SLC39A3: variants seen among roughly 807,000 people sequenced by gnomAD.
SLC39A3 encodes zinc transporter ZIP3.
SLC39A3 carries 3 observed loss-of-function variants against 5.1 expected under a neutral mutation model. That is an observed-to-expected ratio of 0.59 (90% confidence interval 0.27 to 1.54). SLC39A3 has a LOEUF of 1.54. Ranked by LOEUF, SLC39A3 falls within the 40% of genes most tolerant of loss-of-function variation. The pLI, the probability that SLC39A3 is intolerant of heterozygous loss-of-function variation, is 0.12. For synonymous variants in SLC39A3, 250 were observed against 218.8 expected (o/e 1.14, Z -1.26); for missense variants, 412 against 436.4 (o/e 0.94, Z 0.50).
Position 2,734,933 on chromosome 19 carries a change from A to G in SLC39A3, c.211-1448T>C, listed in dbSNP as rs964924808. ...GATGCACGGGAGCTGTGAACCAGGCACCATTTTCCAGGGGTGACTGAGAGC... is the reference window on the plus strand; with the variant it reads ...GATGCACGGGAGCTGTGAACCAGGCGCCATTTTCCAGGGGTGACTGAGAGC... On this transcript the variant is annotated intron_variant, in intron 2 of 2. Coordinates refer to ENST00000269740, the MANE Select transcript of SLC39A3 (RefSeq NM_144564.5). The surrounding 1 kb of genome is among the most constrained non-coding windows in gnomAD (Gnocchi z 4.6). 3.1e-5 allele frequency: 31 copies of G among 985,312 alleles called. No individual in the cohort carries two copies. In the African/African-American group the frequency reaches 5.1e-4, roughly 16 times the overall value. The allele number at this position is 985,312 out of a possible 1,614,324, so 61.0% of individuals were successfully genotyped here.
rs1234665325 is a variant in SLC39A3 at position 2,737,042 on chromosome 19, C to A, written c.210+6G>T. 2 of 1,613,986 alleles carry A rather than the reference C, an allele frequency of 1.2e-6. No individual in the cohort carries two copies. The highest frequency in any genetic ancestry group is 3.3e-5 in the Admixed American group (2 of 59,990). On this transcript the variant is annotated splice_donor_region_variant and intron_variant, in intron 2 of 2. Coordinates refer to ENST00000269740, the MANE Select transcript of SLC39A3 (RefSeq NM_144564.5). ...GGGCTGCTGCTAGTGCCCAGGGAGC[C>A]CTTACCTTTTCCCTCACAGCGGGCA...
In SLC39A3 at chr19:2,732,693, C is replaced by T; in HGVS notation, c.*58G>A. The T allele has an allele frequency of 2.7e-6, 4 of 1,485,164 alleles. No individual in the cohort carries two copies. Among genetic ancestry groups the T allele is most frequent in the Middle Eastern group, 4.4e-4 (2 of 4,544 alleles). 92.0% of individuals were successfully genotyped at this position (1,485,164 alleles called of 1,614,324 possible). A position where few individuals can be genotyped will look rare whatever the true frequency, so the allele number is the denominator to read the frequency against. On this transcript the variant is annotated 3_prime_UTR_variant, in exon 3 of 3. Transcript: ENST00000269740. The stretch of plus-strand genomic sequence containing the variant: ...GGGACGCGCGGCCGGGGGACGCGGC[C>T]TGTGTCCGGCCCGGGGCTCCCGGCG...
At position 2,732,918 on chromosome 19, in the gene SLC39A3, C is replaced by G; in HGVS notation, c.778G>C (p.Val260Leu). 1 of 1,610,714 alleles carries G rather than the reference C, an allele frequency of 6.2e-7. No individual in the cohort carries two copies. Among genetic ancestry groups the G allele is most frequent in the Non-Finnish European group, 8.5e-7 (1 of 1,178,846 alleles). Residue 260 changes from valine to leucine, a missense_variant, in exon 3 of 3, where the codon GTG (valine) becomes CTG (leucine). Coordinates refer to ENST00000269740, the MANE Select transcript of SLC39A3 (RefSeq NM_144564.5). Reference protein sequence around the residue: ...IESAQGVPGSVASVLLQGLAG... With the variant: ...IESAQGVPGSLASVLLQGLAG... ...AGGCCCTGCAGCAGCACGGACGCCA[C>G]GCTGCCCGGCACGCCCTGGGCGCTC...
chr19:2,734,690 C>T lies in SLC39A3; in HGVS notation c.211-1205G>A. 1 of 975,326 alleles carries T rather than the reference C, an allele frequency of 1.0e-6. No homozygotes were observed. The highest frequency in any genetic ancestry group is 1.2e-6 in the Non-Finnish European group (1 of 820,664). The allele number at this position is 975,326 out of a possible 1,614,324, so 60.4% of individuals were successfully genotyped here. A position where few individuals can be genotyped will look rare whatever the true frequency, so the allele number is the denominator to read the frequency against. ...AGGCCAGGAGCACCCCCCATCGTGACAACCACAATGTCCCCAGGCATCGCC... is the reference window on the plus strand; with the variant it reads ...AGGCCAGGAGCACCCCCCATCGTGATAACCACAATGTCCCCAGGCATCGCC... On this transcript the variant is annotated intron_variant, in intron 2 of 2. Coordinates refer to ENST00000269740, the MANE Select transcript of SLC39A3 (RefSeq NM_144564.5). This position sits in a 1 kb window ranked among gnomAD's most constrained non-coding sequence, Gnocchi z 4.6.
In SLC39A3 at chr19:2,732,754, C is replaced by T; in HGVS notation, c.942G>A (p.Trp314Ter). Residue 314 changes from tryptophan to a stop codon, truncating the protein, a stop_gained, in exon 3 of 3, where the codon TGG (tryptophan) becomes TGA (stop). Coordinates refer to ENST00000269740, the MANE Select transcript of SLC39A3 (RefSeq NM_144564.5). LOFTEE classifies it high-confidence loss of function. ...TVLAGMVFLK[W>*] ...GCAGGGACAATGGCGAGGCCGCTCA[C>T]CACTTGAGGAAGACCATCCCGGCCA... 6.4e-7 allele frequency: 1 copy of T among 1,557,246 alleles called. No homozygotes were observed. The highest frequency in any genetic ancestry group is 8.7e-7 in the Non-Finnish European group (1 of 1,149,940).
intron 1 of SLC39A3, 104 bp downstream of exon 1, chr19:2,739,841 C>G (rs771873530): frequency 6.6e-6 from 1 of 152,294 alleles, no homozygotes; most frequent in Non-Finnish European, 1.5e-5. Context: ...TACCGGGCAC[C>G]GGAGACGGGC....
At chr19:2,737,003 C>G (rs1179518201) in intron 2 of SLC39A3, 45 bp downstream of exon 2, 1 of 1,611,370 alleles carries the variant, frequency 6.2e-7, no homozygotes. Flanking sequence ...AGTCCCTTGG[C>G]CATAAGGTGC....
Position 2,734,676 on chromosome 19 carries a change from A to AC in SLC39A3, c.211-1192dup, listed in dbSNP as rs142924600. On this transcript the variant is annotated intron_variant, in intron 2 of 2. Transcript: ENST00000269740. The surrounding 1 kb of genome is among the most constrained non-coding windows in gnomAD (Gnocchi z 4.6). ...CCTCCACCCACTCCAGGCCAGGAGCACCCCCCATCGTGACAACCACAATGT... is the reference window on the plus strand; with the variant it reads ...CCTCCACCCACTCCAGGCCAGGAGCACCCCCCCATCGTGACAACCACAATGT... The AC allele has an allele frequency of 3.2e-6, 3 of 948,314 alleles. No individual in the cohort carries two copies. The highest frequency in any genetic ancestry group is 3.8e-6 in the Non-Finnish European group (3 of 796,360). 58.7% of individuals were successfully genotyped at this position (948,314 alleles called of 1,614,324 possible).
Position 2,732,689 on chromosome 19 carries a change from C to T in SLC39A3, c.*62G>A, listed in dbSNP as rs377544192. 207 of 1,475,420 alleles carry T rather than the reference C, an allele frequency of 1.4e-4. 2 individuals carry two copies. The South Asian group carries it at 2.4e-3, about 17-fold the overall frequency. The allele number at this position is 1,475,420 out of a possible 1,614,324, so 91.4% of individuals were successfully genotyped here. On this transcript the variant is annotated 3_prime_UTR_variant, in exon 3 of 3. Coordinates refer to ENST00000269740, the MANE Select transcript of SLC39A3 (RefSeq NM_144564.5). ...TTGGGGGACGCGCGGCCGGGGGACG[C>T]GGCCTGTGTCCGGCCCGGGGCTCCC...
intron 2 of SLC39A3, chr19:2,736,778 T>C: frequency 6.9e-7 from 1 of 1,444,222 alleles, no homozygotes; most frequent in Non-Finnish European, 9.1e-7. Context: ...GTGCCCTACC[T>C]AGGTGGGTAG....
rs534083906 is a variant in SLC39A3, at chr19:2,733,236, C to T, written c.460G>A (p.Gly154Ser). The T allele has an allele frequency of 1.1e-5, 17 of 1,608,786 alleles. No homozygotes were observed. In the East Asian group the frequency reaches 1.8e-4, roughly 17 times the overall value. Reference sequence around the variant, plus strand: ...AGGCCCTGCACGCTCAGGCTGGGGCCGTGGCCGTGGGGCTCCACGTACAGC... The same window carrying T: ...AGGCCCTGCACGCTCAGGCTGGGGCTGTGGCCGTGGGGCTCCACGTACAGC... ...HALYVEPHGH[G>S]PSLSVQGLSR... is the part of the protein sequence containing the mutation. The change falls in exon 3 of 3, where the codon GGC becomes AGC. Residue 154 changes from glycine to serine, a missense_variant. Transcript: ENST00000269740. The surrounding 1 kb of genome is among the most constrained non-coding windows in gnomAD (Gnocchi z 6.1).
chr19:2,735,878 C>T lies in SLC39A3; in HGVS notation c.210+1170G>A. 7.1e-6 allele frequency: 7 copies of T among 985,490 alleles called. No homozygotes were observed. The highest frequency in any genetic ancestry group is 8.4e-6 in the Non-Finnish European group (7 of 829,984). The allele number at this position is 985,490 out of a possible 1,614,324, so 61.0% of individuals were successfully genotyped here. ...AATCCCAGACAACAGCCCTTCTCCTCCTTTCTGGACACTAGGCACGAGGAA... is the reference window on the plus strand; with the variant it reads ...AATCCCAGACAACAGCCCTTCTCCTTCTTTCTGGACACTAGGCACGAGGAA... On this transcript the variant is annotated intron_variant, in intron 2 of 2. Transcript: ENST00000269740. This position sits in a 1 kb window ranked among gnomAD's most constrained non-coding sequence, Gnocchi z 5.7.
intron 2 of SLC39A3, chr19:2,736,111 CCA>C: frequency 1.0e-6 from 1 of 985,516 alleles, no homozygotes; most frequent in Non-Finnish European, 1.2e-6. Flanking sequence ...GACAGGGGAC[CCA>C]CACTCTGGGC....
rs903301077 is a variant in SLC39A3, at chr19:2,736,814, C to A, written c.210+234G>T. 2.3e-5 allele frequency: 33 copies of A among 1,458,790 alleles called. No homozygotes were observed. In the African/African-American group the frequency reaches 3.7e-4, roughly 16 times the overall value. 90.4% of individuals were successfully genotyped at this position (1,458,790 alleles called of 1,614,324 possible). A position where few individuals can be genotyped will look rare whatever the true frequency, so the allele number is the denominator to read the frequency against. On this transcript the variant is annotated intron_variant, in intron 2 of 2. Coordinates refer to ENST00000269740, the MANE Select transcript of SLC39A3 (RefSeq NM_144564.5). Reference sequence around the variant, plus strand: ...TCTGGTCTGATTATCAGGTGACAACCGACAAGTCCACCTGTTGGGAATCCC... The same window carrying A: ...TCTGGTCTGATTATCAGGTGACAACAGACAAGTCCACCTGTTGGGAATCCC...
chr19:2,734,391 C>G lies in SLC39A3; in HGVS notation c.211-906G>C, dbSNP rs1373333133. On this transcript the variant is annotated intron_variant, in intron 2 of 2. Coordinates refer to ENST00000269740, the MANE Select transcript of SLC39A3 (RefSeq NM_144564.5). The surrounding 1 kb of genome is among the most constrained non-coding windows in gnomAD (Gnocchi z 4.6). ...CGGAGACTTCATTACAACCTGCGCA[C>G]GTGCACACACACACACACACACGCA... is the stretch of plus-strand genomic sequence containing the variant. The G allele has an allele frequency of 6.7e-6, 1 of 150,286 alleles. No homozygotes were observed. The highest frequency in any genetic ancestry group is 1.5e-5 in the Non-Finnish European group (1 of 67,782). The allele number at this position is 150,286 out of a possible 1,614,324, so 9.3% of individuals were successfully genotyped here. A position where few individuals can be genotyped will look rare whatever the true frequency, so the allele number is the denominator to read the frequency against.
chr19:2,735,290 A>C lies in SLC39A3; in HGVS notation c.210+1758T>G. The C allele has an allele frequency of 1.2e-6, 1 of 855,756 alleles. No individual in the cohort carries two copies. The highest frequency in any genetic ancestry group is 1.4e-6 in the Non-Finnish European group (1 of 711,652). The allele number at this position is 855,756 out of a possible 1,614,324, so 53.0% of individuals were successfully genotyped here. On this transcript the variant is annotated intron_variant, in intron 2 of 2. Transcript: ENST00000269740. This position sits in a 1 kb window ranked among gnomAD's most constrained non-coding sequence, Gnocchi z 5.7. ...GAATGCAGACTCAGCCACGCGGAAC[A>C]GCAGGAATGCGGTGTCTCGGCTCTG...
At chr19:2,736,142 C>T (rs1914359645) in intron 2 of SLC39A3, 1 of 985,402 alleles carries the variant, frequency 1.0e-6, no homozygotes, top group African/African-American at 1.7e-5. Flanking sequence ...TGGGGGAGCT[C>T]AAGGAACAGG....
intron 2 of SLC39A3, chr19:2,736,663 G>A (rs570356715): frequency 2.5e-5 from 30 of 1,202,352 alleles, no homozygotes; most frequent in Admixed American, 1.1e-4. Flanking sequence ...GATGATAAAC[G>A]TCTGTAGTCC....
In SLC39A3 at chr19:2,735,365, C is replaced by T. The variant is rs62121118; in HGVS notation, c.210+1683G>A. On this transcript the variant is annotated intron_variant, in intron 2 of 2. Transcript: ENST00000269740. This position sits in a 1 kb window ranked among gnomAD's most constrained non-coding sequence, Gnocchi z 5.7. ...TAGCTGGGCCCTACGCTCCAGGTCT[C>T]GCAGGGTGTCATCAGGGCTGAGATC... 0.12 allele frequency: 29,429 copies of T among 240,922 alleles called. 2,184 individuals carry two copies. Among genetic ancestry groups the T allele is most frequent in the East Asian group, 0.38 (2,084 of 5,492 alleles). 14.9% of individuals were successfully genotyped at this position (240,922 alleles called of 1,614,324 possible). A position where few individuals can be genotyped will look rare whatever the true frequency, so the allele number is the denominator to read the frequency against.
Sources: gnomAD v4.1 joint callset for allele counts on GRCh38, gnomAD v4.1.1 for gene constraint, Gnocchi (gnomAD v3.1) non-coding constraint, MANE v1.5 for transcripts, NCBI Gene and HGNC (gene_info 2026-07-23, HGNC 2026-07-21) for gene names.